TDRD12: variants seen among roughly 807,000 people sequenced by gnomAD.
TDRD12 encodes the protein tudor domain containing 12.
Under a neutral mutation model 133.5 loss-of-function variants are expected in TDRD12, and 158 were observed. The ratio of observed to expected loss-of-function variants is 1.18; its 90% CI spans 1.04 to 1.35. The LOEUF is 1.35. Ranked by LOEUF, TDRD12 falls within the 40% of genes most tolerant of loss-of-function variation. The pLI is 0.00. For missense variants in TDRD12, 1,443 were observed against 1,321.3 expected, an observed-to-expected ratio of 1.09 and a Z score of -1.43; for synonymous variants, 460 against 477.9, an observed-to-expected ratio of 0.96 and a Z score of 0.49.
intron 23 of TDRD12, among the ~76,000 whole-genome samples, chr19:32,810,501 A>G (rs1177190260): frequency 6.6e-6 from 1 of 152,198 alleles, no homozygotes. Flanking sequence ...TGCGTGCGAC[A>G]TACACATACA....
exon 28 of TDRD12, chr19:32,821,044 C>T: frequency 6.5e-7 from 1 of 1,535,866 alleles, no homozygotes; most frequent in Non-Finnish European, 8.7e-7. Flanking sequence ...ACGCCTCCAG[C>T]AGAAGATGCT....
At chr19:32,781,689 C>T (rs868827963) in intron 11 of TDRD12, among the ~76,000 whole-genome samples, 43 of 144,208 alleles carry the variant, frequency 3.0e-4, no homozygotes, top group Non-Finnish European at 4.9e-4. Context: ...CTTTCCTTTT[C>T]TCTCTCTCTC....
intron 10 of TDRD12, among the ~76,000 whole-genome samples, chr19:32,775,615 G>C (rs1266620773): frequency 6.6e-6 from 1 of 151,922 alleles, no homozygotes; most frequent in Non-Finnish European, 1.5e-5. Context: ...TTACAGGTGT[G>C]AGCCACTGTG....
chr19:32,765,200 C>T (rs1176068658), intron 8 of TDRD12, among the ~76,000 whole-genome samples: 2 of 152,184 alleles, frequency 1.3e-5, no homozygotes, highest in African/African-American at 4.8e-5. Context: ...TACCATCTCA[C>T]ACCAGTTAGA....
intron 26 of TDRD12, among the ~76,000 whole-genome samples, chr19:32,817,272 A>G (rs1967212178): frequency 6.6e-6 from 1 of 152,050 alleles, no homozygotes; most frequent in Admixed American, 6.6e-5. Context: ...ATACTCCTTA[A>G]ATAATAATTC....
intron 8 of TDRD12, among the ~76,000 whole-genome samples, chr19:32,759,505 G>T (rs76859739): frequency 1.2e-3 from 176 of 152,058 alleles, no homozygotes; most frequent in East Asian, 8.3e-3. Context: ...CAACCTCCTG[G>T]CCTCAAAGGA....
chr19:32,749,970 T>C lies in TDRD12; in HGVS notation c.582+101T>C, dbSNP rs563711130. On this transcript the variant is annotated intron_variant, in intron 6 of 27. Coordinates refer to ENST00000444215, the Ensembl canonical transcript of TDRD12. ...GAAAAACACTGTAGTTCGTACAGCA[T>C]AGAAATTGTCTTAATCTCTTAAGGT... 45 of 863,744 alleles carry C rather than the reference T, an allele frequency of 5.2e-5. 1 individual carries two copies. The South Asian group carries it at 6.6e-4, about 13-fold the overall frequency. The allele number at this position is 863,744 out of a possible 1,614,324, so 53.5% of individuals were successfully genotyped here.
rs1969255379 is a variant in TDRD12, at chr19:32,737,359, C to A, written c.184-1497C>A. Among the ~76,000 whole-genome samples, 2 of 152,030 alleles carry A rather than the reference C, an allele frequency of 1.3e-5. 1 individual carries two copies. Among genetic ancestry groups the A allele is most frequent in the South Asian group, 4.1e-4 (2 of 4,828 alleles). On this transcript the variant is annotated intron_variant, in intron 2 of 27. Transcript: ENST00000444215. ...AGCTGGGACTACAGGCACATGCCAC[C>A]ATCCCTGGCTGATTTTTGTGTTTTT...
At chr19:32,756,123 T>C (rs1969984184) in exon 7 of TDRD12, 1 of 1,472,536 alleles carries the variant, frequency 6.8e-7, no homozygotes, top group Non-Finnish European at 8.9e-7. Context: ...ATAAACTCAA[T>C]CCAGCACTTA....
At chr19:32,802,494 G>A (rs571092823) in intron 19 of TDRD12, among the ~76,000 whole-genome samples, 162 bp from the exon 20 acceptor site, 1 of 152,114 alleles carries the variant, frequency 6.6e-6, no homozygotes, top group African/African-American at 2.4e-5. Flanking sequence ...TTAAGCACTG[G>A]GCTGTGGCAT....
chr19:32,815,865 G>A (rs1967161689), intron 26 of TDRD12, among the ~76,000 whole-genome samples: 2 of 152,092 alleles, frequency 1.3e-5, no homozygotes, highest in Admixed American at 6.6e-5. Flanking sequence ...GTGGCAGCAC[G>A]TGCCTGTAAT....
chr19:32,798,744 C>T (rs1348016543), intron 16 of TDRD12, among the ~76,000 whole-genome samples: 1 of 152,154 alleles, frequency 6.6e-6, no homozygotes, highest in Non-Finnish European at 1.5e-5. Context: ...ACTTGAAAAA[C>T]CCAGCCTGCA....
chr19:32,723,538 C>T (rs960018730), intron 1 of TDRD12, among the ~76,000 whole-genome samples: 7 of 151,974 alleles, frequency 4.6e-5, no homozygotes, highest in Non-Finnish European at 2.9e-5. Flanking sequence ...CATGAGCCAC[C>T]GTGCCTGGCC....
chr19:32,823,658 G>A (rs757838099), downstream of TDRD12, among the ~76,000 whole-genome samples: 9 of 152,220 alleles, frequency 5.9e-5, no homozygotes, highest in Non-Finnish European at 1.3e-4. Flanking sequence ...GCCACAGCGG[G>A]GGGCAGCTGG....
At chr19:32,721,169 C>T (rs188699586) in intron 1 of TDRD12, among the ~76,000 whole-genome samples, 29 of 152,216 alleles carry the variant, frequency 1.9e-4, no homozygotes, top group African/African-American at 6.3e-4. Flanking sequence ...GGGGAAGGGA[C>T]GCCCGCCTGG....
chr19:32,721,179 G>A (rs1968649210), intron 1 of TDRD12, among the ~76,000 whole-genome samples: 1 of 152,110 alleles, frequency 6.6e-6, no homozygotes, highest in Non-Finnish European at 1.5e-5. Context: ...CGCCCGCCTG[G>A]ACCCTTGCTT....
chr19:32,762,684 C>T (rs1473359546), intron 8 of TDRD12, among the ~76,000 whole-genome samples: 1 of 152,042 alleles, frequency 6.6e-6, no homozygotes, highest in Non-Finnish European at 1.5e-5. Context: ...TCTGGCCCCT[C>T]GACTCTGATT....
intron 27 of TDRD12, among the ~76,000 whole-genome samples, chr19:32,818,722 G>T (rs1017331214): frequency 3.9e-5 from 6 of 152,166 alleles, no homozygotes; most frequent in African/African-American, 1.4e-4. Flanking sequence ...CCACTGGGGA[G>T]CATGGAGTAG....
At chr19:32,749,058 G>T (rs145355297) in intron 5 of TDRD12, among the ~76,000 whole-genome samples, 2 of 152,166 alleles carry the variant, frequency 1.3e-5, no homozygotes, top group Admixed American at 1.3e-4. Flanking sequence ...TAGTGATAGG[G>T]TTGGTGGATG....
Sources: gnomAD v4.1 joint callset for allele counts (sites outside exome capture counted in the v4.1 genomes callset) on GRCh38, gnomAD v4.1.1 for gene constraint, MANE v1.5 for transcripts, NCBI Gene and HGNC (gene_info 2026-07-23, HGNC 2026-07-21) for gene names.